The following FGB variants were observed in gnomAD, a reference collection of about 807,000 sequenced individuals.
FGB encodes beta-fibrinogen.
A neutral mutation model predicts 57.9 loss-of-function variants in FGB; 25 were observed. The observed-to-expected ratio is 0.43, with a 90% CI of 0.31 to 0.60. The LOEUF (loss-of-function observed/expected upper bound fraction) is 0.60. Among genes scored for constraint, FGB ranks in the 20% least tolerant of loss-of-function variants. The pLI, the probability that FGB is intolerant of heterozygous loss-of-function variation, is 0.08. For missense variants in FGB, 536 were observed against 598.4 expected, an observed-to-expected ratio of 0.90 and a Z score of 1.09; for synonymous variants, 203 against 199.2, an observed-to-expected ratio of 1.02 and a Z score of -0.16.
chr4:154,571,433 C>A lies in FGB; in HGVS notation c.*783C>A, dbSNP rs943565947. Among the ~76,000 whole-genome samples, 1 of 149,324 alleles carries A rather than the reference C, an allele frequency of 6.7e-6. No homozygotes were observed. The highest frequency in any genetic ancestry group is 2.5e-5 in the African/African-American group (1 of 40,472). On this transcript the variant is annotated 3_prime_UTR_variant, in exon 8 of 8. Transcript: ENST00000302068. The stretch of plus-strand genomic sequence containing the variant: ...GCATTGAGCCAAGATCTCAACACTG[C>A]ACTCCAGCCTGGGCAACAGCGTGAG...
chr4:154,570,883 G>A lies in FGB; in HGVS notation c.*233G>A. On this transcript the variant is annotated 3_prime_UTR_variant, in exon 8 of 8. Coordinates refer to ENST00000302068, the MANE Select transcript of FGB (RefSeq NM_005141.5). The stretch of plus-strand genomic sequence containing the variant: ...CAAAAGTATAGTTTTGACAGAGTTG[G>A]TGTTCATAATTTCAGTTCTAGTTGA... 1.8e-6 allele frequency: 1 copy of A among 548,912 alleles called. No individual in the cohort carries two copies. The highest frequency in any genetic ancestry group is 2.0e-5 in the South Asian group (1 of 48,846). The allele number at this position is 548,912 out of a possible 1,614,324, so 34.0% of individuals were successfully genotyped here.
Position 154,570,776 on chromosome 4 carries a change from A to C in FGB, c.*126A>C. 1.3e-6 allele frequency: 1 copy of C among 753,678 alleles called. No individual in the cohort carries two copies. The highest frequency in any genetic ancestry group is 2.4e-6 in the Non-Finnish European group (1 of 419,922). 46.7% of individuals were successfully genotyped at this position (753,678 alleles called of 1,614,324 possible). On this transcript the variant is annotated 3_prime_UTR_variant, in exon 8 of 8. Transcript: ENST00000302068. ...AAGCAGACGTGAGTGTGACTTTTTG[A>C]AAAAAGTATAGGATAAATTACATTA...
chr4:154,570,687 C>T lies in FGB; in HGVS notation c.*37C>T. The T allele has an allele frequency of 1.3e-6, 2 of 1,492,570 alleles. No homozygotes were observed. The highest frequency in any genetic ancestry group is 1.9e-6 in the Non-Finnish European group (2 of 1,070,498). 92.5% of individuals were successfully genotyped at this position (1,492,570 alleles called of 1,614,324 possible). On this transcript the variant is annotated 3_prime_UTR_variant, in exon 8 of 8. Transcript: ENST00000302068. ...TAGATTTTTGCTCTTCTGTATGTGA[C>T]AACATTTTTGTACATTATGTTATTG...
At chr4:154,569,454 G>T (rs1454479498) in intron 6 of FGB, 60 bp from the exon 7 acceptor site, 1 of 1,589,480 alleles carries the variant, frequency 6.3e-7, no homozygotes, top group African/African-American at 1.4e-5. Flanking sequence ...GGGAAGAAAG[G>T]CAGTTTTTAG....
chr4:154,570,618 A>G lies in FGB; in HGVS notation c.1444A>G (p.Met482Val), dbSNP rs765571602. The change falls in exon 8 of 8, where the codon ATG becomes GTG. Residue 482 changes from methionine (M) to valine (V), a missense_variant. By Grantham distance (21) the Met-to-Val change is conservative (BLOSUM62 1). Around this residue, in one of 3 missense-constraint regions of FGB, gnomAD observed 177 missense variants for 193.7 expected, o/e 0.91. Coordinates refer to ENST00000302068, the MANE Select transcript of FGB (RefSeq NM_005141.5). ...GSWYSMRKMS[M>V]KIRPFFPQQ The stretch of plus-strand genomic sequence containing the variant: ...ATGGTACTCAATGAGGAAGATGAGT[A>G]TGAAGATCAGGCCCTTCTTCCCACA... The G allele has an allele frequency of 1.7e-5, 27 of 1,613,960 alleles. No individual in the cohort carries two copies. The highest frequency in any genetic ancestry group is 1.4e-4 in the South Asian group (13 of 91,082).
At chr4:154,565,440 A>G (rs1730114951) in intron 1 of FGB, 8 of 294,194 alleles carry the variant, frequency 2.7e-5, no homozygotes, top group South Asian at 2.4e-4. Flanking sequence ...AATCATAGGA[A>G]TCTAACAATC....
intron 1 of FGB, chr4:154,565,599 C>T (rs1730121300): frequency 1.7e-6 from 1 of 585,588 alleles, no homozygotes; most frequent in Non-Finnish European, 3.1e-6. Flanking sequence ...AACTACACTG[C>T]ATCATAGCTT....
rs1730226405 is a variant in FGB at position 154,567,794 on chromosome 4, G to A, written c.692G>A (p.Cys231Tyr). ...TGTCGCACCCCATGCACTGTCAGTTGCAATATTCCTGTGGTGTCTGGCAAA... is the reference window on the plus strand; with the variant it reads ...TGTCGCACCCCATGCACTGTCAGTTACAATATTCCTGTGGTGTCTGGCAAA... Reference protein sequence around the residue: ...EYCRTPCTVSCNIPVVSGKEC... With the variant: ...EYCRTPCTVSYNIPVVSGKEC... Residue 231 changes from cysteine (C) to tyrosine (Y), a missense_variant, in exon 4 of 8, where the codon TGC (cysteine) becomes TAC (tyrosine). Cys to Tyr is a radical substitution (Grantham distance 194). Coordinates refer to ENST00000302068, the MANE Select transcript of FGB (RefSeq NM_005141.5). 1 of 1,613,400 alleles carries A rather than the reference G, an allele frequency of 6.2e-7. No homozygotes were observed. The highest frequency in any genetic ancestry group is 1.1e-5 in the South Asian group (1 of 91,078).
At chr4:154,563,224 G>T in intron 1 of FGB, 92 bp downstream of exon 1, 1 of 635,616 alleles carries the variant, frequency 1.6e-6, no homozygotes, top group Non-Finnish European at 2.8e-6. Context: ...AATGAAATTA[G>T]CATTGCTTAT....
chr4:154,566,675 A>G lies in FGB; in HGVS notation c.490+3A>G. ...AAAGAGGCAGAAGCAAGTAAAAGGTAGATATCCTTGTGCTTTCCATTCGAT... is the reference window on the plus strand; with the variant it reads ...AAAGAGGCAGAAGCAAGTAAAAGGTGGATATCCTTGTGCTTTCCATTCGAT... On this transcript the variant is annotated splice_donor_region_variant and intron_variant, in intron 3 of 7. Coordinates refer to ENST00000302068, the MANE Select transcript of FGB (RefSeq NM_005141.5). The G allele has an allele frequency of 6.2e-7, 1 of 1,613,666 alleles. No individual in the cohort carries two copies.
Position 154,563,126 on chromosome 4 carries a change from T to A in FGB, c.108T>A (p.Asn36Lys). 7.0e-7 allele frequency: 1 copy of A among 1,429,362 alleles called. No individual in the cohort carries two copies. The allele number at this position is 1,429,362 out of a possible 1,614,324, so 88.5% of individuals were successfully genotyped here. A position where few individuals can be genotyped will look rare whatever the true frequency, so the allele number is the denominator to read the frequency against. ...TTAAGTCCCAAGGTGTCAACGACAA[T>A]GAGGAGGTGAATTTTTTAAAGCATT... is the stretch of plus-strand genomic sequence containing the variant. Reference protein sequence around the residue: ...FLVKSQGVNDNEEGFFSARGH... With the variant: ...FLVKSQGVNDKEEGFFSARGH... The change falls in exon 1 of 8, where the codon AAT becomes AAA. Residue 36 changes from asparagine to lysine, a missense_variant. By Grantham distance (94) the Asn-to-Lys change is moderately conservative. Transcript: ENST00000302068.
intron 1 of FGB, chr4:154,565,374 A>G (rs554896755): frequency 3.5e-6 from 1 of 286,438 alleles, no homozygotes; most frequent in South Asian, 3.6e-5. Context: ...AAATATGTTT[A>G]TATAGGAGTC....
rs115820299 is a variant in FGB at position 154,568,505 on chromosome 4, G to A, written c.832+11G>A. On this transcript the variant is annotated intron_variant, in intron 5 of 7. Coordinates refer to ENST00000302068, the MANE Select transcript of FGB (RefSeq NM_005141.5). ...ATACAGAAAATGGAGGTAAGCTTTC[G>A]ACAGTTGTTGACCTGTTGATCTGTA... 2.7e-4 allele frequency: 345 copies of A among 1,296,570 alleles called. 1 individual carries two copies. The African/African-American group carries it at 4.0e-3, about 15-fold the overall frequency. 80.3% of individuals were successfully genotyped at this position (1,296,570 alleles called of 1,614,324 possible). A position where few individuals can be genotyped will look rare whatever the true frequency, so the allele number is the denominator to read the frequency against.
In FGB at chr4:154,563,026, G is replaced by C; in HGVS notation, c.8G>C (p.Arg3Thr). 2 of 1,523,904 alleles carry C rather than the reference G, an allele frequency of 1.3e-6. No individual in the cohort carries two copies. Among genetic ancestry groups the C allele is most frequent in the South Asian group, 1.2e-5 (1 of 84,090 alleles). 94.4% of individuals were successfully genotyped at this position (1,523,904 alleles called of 1,614,324 possible). A position where few individuals can be genotyped will look rare whatever the true frequency, so the allele number is the denominator to read the frequency against. The change falls in exon 1 of 8, where the codon AGG becomes ACG. Residue 3 changes from arginine (R) to threonine (T), a missense_variant. This residue lies in a region of FGB where 354 missense variants were observed against 383.4 expected (regional missense o/e 0.92). Transcript: ENST00000302068. ...TCTCTCAGTTAAGTCTACATGAAAA[G>C]GATGGTTTCTTGGAGCTTCCACAAA... MK[R>T]MVSWSFHKLK...
At chr4:154,567,486 C>A in intron 3 of FGB, 107 bp from the exon 4 acceptor site, 1 of 721,802 alleles carries the variant, frequency 1.4e-6, no homozygotes, top group Non-Finnish European at 2.5e-6. Context: ...TTGGTGATAG[C>A]TCAGTGTTTA....
At chr4:154,565,159 CA>C (rs1397732481) in intron 1 of FGB, 5 of 460,946 alleles carry the variant, frequency 1.1e-5, no homozygotes, top group Non-Finnish European at 1.8e-5. Context: ...AAGGCAGATT[CA>C]AACTATCATT....
At position 154,566,662 on chromosome 4, in the gene FGB, G is replaced by A; in HGVS notation, c.480G>A (p.Lys160=). The part of the protein sequence containing the change: ...LLKDLWQKRQ[K]QVKDNENVVN... ...AAGACCTGTGGCAAAAGAGGCAGAA[G>A]CAAGTAAAAGGTAGATATCCTTGTG... Residue 160 remains lysine (K), a synonymous_variant, in exon 3 of 8, where the codon AAG becomes AAA. Transcript: ENST00000302068. 6.2e-7 allele frequency: 1 copy of A among 1,614,072 alleles called. No homozygotes were observed. Among genetic ancestry groups the A allele is most frequent in the Non-Finnish European group, 8.5e-7 (1 of 1,179,962 alleles).
rs121909623 is a variant in FGB, at chr4:154,567,688, C to T, written c.586C>T (p.Arg196Cys). ...TVNSNIPTNL[R>C]VLRSILENLR... is the part of the protein sequence containing the mutation. ...GAATAGCAATATCCCAACTAACCTT[C>T]GTGTGCTTCGTTCAATCCTGGAAAA... Residue 196 changes from arginine to cysteine, a missense_variant, in exon 4 of 8, where the codon CGT becomes TGT. Transcript: ENST00000302068. The T allele has an allele frequency of 1.2e-6, 2 of 1,613,504 alleles. No individual in the cohort carries two copies. The highest frequency in any genetic ancestry group is 1.7e-6 in the Non-Finnish European group (2 of 1,179,458).
At chr4:154,564,485 CCTCCGAATCT>C (rs1369292788) in intron 1 of FGB, among the ~76,000 whole-genome samples, 3 of 152,002 alleles carry the variant, frequency 2.0e-5, no homozygotes, top group African/African-American at 7.2e-5. Context: ...ATGTATATAT[CCTCCGAATCT>C]TTACATATTA....
Sources: gnomAD v4.1 joint callset for allele counts (sites outside exome capture counted in the v4.1 genomes callset) on GRCh38, gnomAD v4.1.1 for gene constraint, gnomAD v4.1.1 regional missense constraint, MANE v1.5 for transcripts, NCBI Gene and HGNC (gene_info 2026-07-23, HGNC 2026-07-21) for gene names.